The following CWC22 variants were observed in gnomAD, a reference collection of about 807,000 sequenced individuals.
CWC22 encodes CWC22 spliceosome associated protein, also known as pre-mRNA-splicing factor CWC22 homolog.
Under a neutral mutation model 117.2 loss-of-function variants are expected in CWC22, and 53 were observed. That is an observed-to-expected ratio of 0.45 (90% CI 0.36 to 0.57). CWC22 has a LOEUF of 0.57. CWC22 is among the 20% of genes least tolerant of loss of function. The pLI is 0.00. For missense variants in CWC22, 980 were observed against 1,068.8 expected, an observed-to-expected ratio of 0.92 and a Z score of 1.16; for synonymous variants, 360 against 355.6, an observed-to-expected ratio of 1.01 and a Z score of -0.14.
chr2:180,006,274 G>A (rs1171768214), intron 1 of CWC22, among the ~76,000 whole-genome samples: 2 of 152,108 alleles, frequency 1.3e-5, no homozygotes, highest in African/African-American at 2.4e-5. Flanking sequence ...AGAATTGTTA[G>A]GATTAAATGG....
chr2:179,961,932 A>G (rs1018480350), intron 13 of CWC22, among the ~76,000 whole-genome samples: 1 of 152,122 alleles, frequency 6.6e-6, no homozygotes, highest in Non-Finnish European at 1.5e-5. Context: ...AAAAGAAGAC[A>G]TTTACTGAAT....
intron 6 of CWC22, among the ~76,000 whole-genome samples, chr2:179,974,875 C>T (rs1193909943): frequency 6.6e-6 from 1 of 152,058 alleles, no homozygotes; most frequent in African/African-American, 2.4e-5. Flanking sequence ...CCTCAGCCTC[C>T]GGAGGAGCTG....
At chr2:179,992,227 T>C (rs1315937362) in intron 2 of CWC22, among the ~76,000 whole-genome samples, 1 of 152,196 alleles carries the variant, frequency 6.6e-6, no homozygotes, top group Non-Finnish European at 1.5e-5. Context: ...ATCCATGCAG[T>C]TGAAGAGAAA....
intron 12 of CWC22, among the ~76,000 whole-genome samples, chr2:179,965,157 A>G (rs1402369258): frequency 6.6e-6 from 1 of 152,240 alleles, no homozygotes; most frequent in East Asian, 1.9e-4. Flanking sequence ...TGGATAGAAG[A>G]TAATTTTAAT....
intron 19 of CWC22, among the ~76,000 whole-genome samples, chr2:179,948,093 C>T (rs1162244002): frequency 6.6e-6 from 1 of 152,172 alleles, no homozygotes; most frequent in Non-Finnish European, 1.5e-5. Flanking sequence ...CAAACCTGTG[C>T]TCCTGCTGAA....
intron 14 of CWC22, among the ~76,000 whole-genome samples, chr2:179,958,646 A>G (rs1488784856): frequency 6.6e-6 from 1 of 152,126 alleles, no homozygotes; most frequent in African/African-American, 2.4e-5. Context: ...AGCCCAGAGA[A>G]ACCAAAAGAT....
intron 3 of CWC22, among the ~76,000 whole-genome samples, chr2:179,987,377 G>A (rs1200799468): frequency 6.6e-6 from 1 of 152,044 alleles, no homozygotes; most frequent in East Asian, 1.9e-4. Context: ...CTTAAGAGAA[G>A]TTAAATATAT....
At chr2:180,002,800 A>G (rs910631593) in intron 1 of CWC22, among the ~76,000 whole-genome samples, 8 of 152,236 alleles carry the variant, frequency 5.3e-5, no homozygotes, top group Non-Finnish European at 1.2e-4. Flanking sequence ...TACGATAAGC[A>G]TGTGTAAAGA....
chr2:179,973,756 T>C lies in CWC22; in HGVS notation c.628A>G (p.Ile210Val), dbSNP rs1389877688. The change falls in exon 7 of 20, where the codon ATC (isoleucine) becomes GTC (valine). Residue 210 changes from isoleucine to valine, a missense_variant. Ile to Val is a conservative substitution (Grantham distance 29). Around this residue, in one of 3 missense-constraint regions of CWC22, gnomAD observed 559 missense variants for 602.3 expected, o/e 0.93. Transcript: ENST00000410053. ...SVLQAQSASP[I>V]FTHVYAALVA... ...AATGCTGCATAAACATGGGTGAAGA[T>C]TGGAGAAGCACTCTGTGCTTGCAAA... The C allele has an allele frequency of 1.9e-6, 3 of 1,611,966 alleles. No homozygotes were observed. Among genetic ancestry groups the C allele is most frequent in the African/African-American group, 1.3e-5 (1 of 74,966 alleles).
rs1553556645 is a variant in CWC22, at chr2:179,946,464, AGG to A, written c.2141-751_2141-750del. On this transcript the variant is annotated intron_variant, in intron 19 of 19. Transcript: ENST00000410053. The stretch of plus-strand genomic sequence containing the variant: ...GGACTCTGTCCAAAAAAAAAAAAAA[AGG>A]GGGGGGGGGAAGGGGAGGGGAGGGA... Among the ~76,000 whole-genome samples the A allele has an allele frequency of 3.4e-3, 312 of 92,550 alleles. 5 individuals are homozygous for A. Among genetic ancestry groups the A allele is most frequent in the African/African-American group, 0.012 (250 of 21,330 alleles). 60.7% of individuals were successfully genotyped at this position (92,550 alleles called of 152,430 possible).
At chr2:179,947,358 G>A (rs1254220477) in intron 19 of CWC22, among the ~76,000 whole-genome samples, 2 of 152,118 alleles carry the variant, frequency 1.3e-5, no homozygotes, top group Non-Finnish European at 2.9e-5. Flanking sequence ...TGATCCTACT[G>A]TACACCACTG....
At chr2:180,006,780 G>A (rs1459328516) in intron 1 of CWC22, 87 bp downstream of exon 1, 2 of 152,412 alleles carry the variant, frequency 1.3e-5, no homozygotes, top group African/African-American at 2.4e-5. Flanking sequence ...CGTTGGTGCA[G>A]GATTTCAGAC....
At chr2:179,961,346 T>C (rs1236335893) in intron 13 of CWC22, among the ~76,000 whole-genome samples, 1 of 151,996 alleles carries the variant, frequency 6.6e-6, no homozygotes, top group Non-Finnish European at 1.5e-5. Context: ...GACTTAGTTT[T>C]GCAGTTCATC....
At chr2:180,005,700 T>C (rs1387824221) in intron 1 of CWC22, among the ~76,000 whole-genome samples, 1 of 152,216 alleles carries the variant, frequency 6.6e-6, no homozygotes, top group Non-Finnish European at 1.5e-5. Context: ...TGTATCATAG[T>C]AGTAATTTAC....
chr2:179,969,829 A>G lies in CWC22; in HGVS notation c.1210+672T>C, dbSNP rs1489052864. 3.9e-5 allele frequency among the ~76,000 whole-genome samples: 6 copies of G among 152,278 alleles called. No homozygotes were observed. In the East Asian group the frequency reaches 1.2e-3, roughly 29 times the overall value. On this transcript the variant is annotated intron_variant, in intron 11 of 19. Coordinates refer to ENST00000410053, the MANE Select transcript of CWC22 (RefSeq NM_020943.3). ...TTAGCTTTAGGAGGAAAATAATACA[A>G]ATGTGAAAATAGTAACTAATAATAG...
chr2:179,999,469 C>G (rs1293139663), intron 1 of CWC22, among the ~76,000 whole-genome samples: 5 of 152,100 alleles, frequency 3.3e-5, no homozygotes, highest in Admixed American at 3.3e-4. Context: ...TTTCATCAAG[C>G]ATTAGAAAGC....
Position 179,945,062 on chromosome 2 carries a change from G to T in CWC22, c.*67C>A. The stretch of plus-strand genomic sequence containing the variant: ...TATACAAGAATTCTCTATAAAGTTC[G>T]TCAAAGTAAAAAATAATTTGTTTCA... On this transcript the variant is annotated 3_prime_UTR_variant, in exon 20 of 20. Coordinates refer to ENST00000410053, the MANE Select transcript of CWC22 (RefSeq NM_020943.3). The T allele has an allele frequency of 9.1e-7, 1 of 1,103,316 alleles. No homozygotes were observed. The highest frequency in any genetic ancestry group is 1.3e-6 in the Non-Finnish European group (1 of 786,274). The allele number at this position is 1,103,316 out of a possible 1,614,324, so 68.3% of individuals were successfully genotyped here.
intron 2 of CWC22, among the ~76,000 whole-genome samples, chr2:179,992,437 T>G (rs1226851657): frequency 6.6e-6 from 1 of 152,154 alleles, no homozygotes; most frequent in Non-Finnish European, 1.5e-5. Flanking sequence ...ATCGGCATAG[T>G]TAACTCTTAC....
intron 4 of CWC22, among the ~76,000 whole-genome samples, chr2:179,985,493 C>A (rs1055691896): frequency 1.3e-5 from 2 of 151,982 alleles, no homozygotes; most frequent in Non-Finnish European, 2.9e-5. Context: ...TTCCATTATA[C>A]CTTCTCCTGA....
Sources: gnomAD v4.1 joint callset for allele counts (sites outside exome capture counted in the v4.1 genomes callset) on GRCh38, gnomAD v4.1.1 for gene constraint, gnomAD v4.1.1 regional missense constraint, MANE v1.5 for transcripts, NCBI Gene and HGNC (gene_info 2026-07-23, HGNC 2026-07-21) for gene names.